Variants in PCDH15 observed in about 807,000 individuals in gnomAD.
PCDH15 encodes protocadherin-15.
PCDH15 carries 129 observed loss-of-function variants against 178.5 expected under a neutral mutation model. That is an observed-to-expected ratio of 0.72 (90% confidence interval 0.63 to 0.84). The LOEUF is 0.84. Ranked by LOEUF, PCDH15 falls within the 40% of genes least tolerant of loss-of-function variation. The pLI, the probability that PCDH15 is intolerant of heterozygous loss-of-function variation, is 0.00. For missense variants in PCDH15, 2,230 were observed against 2,099.9 expected, an observed-to-expected ratio of 1.06 and a Z score of -1.21; for synonymous variants, 800 against 732.0, an observed-to-expected ratio of 1.09 and a Z score of -1.50.
chr10:55,224,511 A>G (rs988325874), intron 1 of PCDH15, among the ~76,000 whole-genome samples: 1 of 152,060 alleles, frequency 6.6e-6, no homozygotes, highest in Non-Finnish European at 1.5e-5. Context: ...CATGAAGCAG[A>G]GATCAGTCAT....
At chr10:55,610,850 G>C (rs1004524622) in intron 2 of PCDH15, among the ~76,000 whole-genome samples, 1 of 151,952 alleles carries the variant, frequency 6.6e-6, no homozygotes, top group Non-Finnish European at 1.5e-5. Context: ...CATCTAAATG[G>C]AACAATTGGG....
chr10:55,560,653 A>T (rs1224537394), intron 2 of PCDH15, among the ~76,000 whole-genome samples: 2 of 151,922 alleles, frequency 1.3e-5, no homozygotes, highest in African/African-American at 4.8e-5. Context: ...AGTAATGAAA[A>T]AGAGTAATGT....
At chr10:55,361,997 T>C (rs902024290) in intron 2 of PCDH15, among the ~76,000 whole-genome samples, 1 of 152,062 alleles carries the variant, frequency 6.6e-6, no homozygotes, top group Admixed American at 6.6e-5. Context: ...AGAAATTACA[T>C]TGGAAATATA....
At chr10:54,158,469 A>G (rs2045381179) in intron 13 of PCDH15, among the ~76,000 whole-genome samples, 1 of 152,192 alleles carries the variant, frequency 6.6e-6, no homozygotes, top group Non-Finnish European at 1.5e-5. Flanking sequence ...TGGGAATTCA[A>G]AATGAGATTT....
chr10:55,463,180 C>A (rs1839717198), intron 2 of PCDH15, among the ~76,000 whole-genome samples: 2 of 151,026 alleles, frequency 1.3e-5, no homozygotes, highest in Admixed American at 6.6e-5. Flanking sequence ...TTAATAATTT[C>A]AGACTGAATG....
chr10:53,962,530 A>C (rs1327596960), intron 21 of PCDH15, among the ~76,000 whole-genome samples: 4 of 152,228 alleles, frequency 2.6e-5, no homozygotes, highest in Non-Finnish European at 5.9e-5. Context: ...TTAATAATGA[A>C]GATGATAGTA....
At chr10:54,171,815 C>A (rs988319259) in intron 13 of PCDH15, among the ~76,000 whole-genome samples, 1 of 151,876 alleles carries the variant, frequency 6.6e-6, no homozygotes, top group Non-Finnish European at 1.5e-5. Flanking sequence ...CAGGCCATCA[C>A]CAATCATTCT....
chr10:55,168,940 CAAAT>C (rs929376395), intron 1 of PCDH15, among the ~76,000 whole-genome samples: 8 of 151,874 alleles, frequency 5.3e-5, no homozygotes, highest in African/African-American at 1.9e-4. Context: ...TTCAATTAAA[CAAAT>C]AATTTATGTT....
chr10:53,991,340 A>G (rs1295336133), intron 21 of PCDH15, among the ~76,000 whole-genome samples: 16 of 151,944 alleles, frequency 1.1e-4, no homozygotes, highest in Admixed American at 5.9e-4. Flanking sequence ...ACCAATCAGC[A>G]CTCTGTGTCT....
chr10:54,420,809 T>A (rs115162839), intron 3 of PCDH15, among the ~76,000 whole-genome samples: 2,857 of 152,178 alleles, frequency 0.019, 95 homozygotes, highest in African/African-American at 0.065. Context: ...ATTCTCAACA[T>A]AAATGGAAAT....
At chr10:54,554,339 T>C (rs886096764) in intron 2 of PCDH15, among the ~76,000 whole-genome samples, 4 of 152,122 alleles carry the variant, frequency 2.6e-5, no homozygotes, top group Admixed American at 2.0e-4. Flanking sequence ...TAAGAATCAA[T>C]GTAAAAGTCT....
intron 3 of PCDH15, among the ~76,000 whole-genome samples, chr10:54,413,542 T>C (rs958858137): frequency 6.6e-6 from 1 of 152,132 alleles, no homozygotes; most frequent in African/African-American, 2.4e-5. Flanking sequence ...TGATAAAAAG[T>C]AAGAGATCTA....
intron 2 of PCDH15, among the ~76,000 whole-genome samples, chr10:55,395,168 C>CGTGTGT (rs35472682): frequency 2.6e-3 from 327 of 127,862 alleles, no homozygotes; most frequent in African/African-American, 6.9e-3. Flanking sequence ...TATTTAACTG[C>CGTGTGT]GTGTGTGTGT....
At chr10:54,551,979 A>G (rs1198995085) in intron 2 of PCDH15, among the ~76,000 whole-genome samples, 2 of 152,142 alleles carry the variant, frequency 1.3e-5, no homozygotes, top group South Asian at 2.1e-4. Flanking sequence ...ATTTGAATGA[A>G]CAAGAAATGC....
chr10:54,060,116 T>A (rs746663583), intron 18 of PCDH15, among the ~76,000 whole-genome samples: 5 of 152,224 alleles, frequency 3.3e-5, no homozygotes, highest in African/African-American at 4.8e-5. Flanking sequence ...AATGTGACTA[T>A]ATGCATATAT....
chr10:53,989,866 A>C (rs1256828204), intron 21 of PCDH15, among the ~76,000 whole-genome samples: 1 of 152,180 alleles, frequency 6.6e-6, no homozygotes, highest in East Asian at 1.9e-4. Flanking sequence ...TAGTGATATC[A>C]ATTGAAAATG....
intron 2 of PCDH15, among the ~76,000 whole-genome samples, chr10:55,528,013 C>A (rs1234832941): frequency 6.6e-6 from 1 of 151,770 alleles, no homozygotes; most frequent in African/African-American, 2.4e-5. Context: ...TAGCTGCTAC[C>A]TGAGTACTTT....
rs1430482898 is a variant in PCDH15, at chr10:53,894,373, C to T, written c.3501+8870G>A. 3.9e-5 allele frequency among the ~76,000 whole-genome samples: 6 copies of T among 152,096 alleles called. No homozygotes were observed. In the South Asian group the frequency reaches 1.2e-3, roughly 32 times the overall value. On this transcript the variant is annotated intron_variant, in intron 26 of 37. Coordinates refer to ENST00000644397, the MANE Select transcript of PCDH15 (RefSeq NM_001384140.1). ...AAACATGAAGGAAACCAGACGAGAT[C>T]GGGCGCATTCAGGGTGGTATGGCCA...
intron 14 of PCDH15, among the ~76,000 whole-genome samples, chr10:54,145,445 T>A (rs1476879538): frequency 6.6e-6 from 1 of 152,124 alleles, no homozygotes; most frequent in Non-Finnish European, 1.5e-5. Flanking sequence ...CTACCAATAT[T>A]GTGCTAGAAA....
Sources: allele counts gnomAD v4.1 joint callset (sites outside exome capture counted in the v4.1 genomes callset), GRCh38; gene constraint gnomAD v4.1.1; transcripts MANE v1.5; gene names NCBI Gene and HGNC (gene_info 2026-07-23, HGNC 2026-07-21).